Variants in RSF1 observed in about 807,000 individuals in gnomAD.
RSF1 encodes the protein HBV pX-associated protein 8.
In RSF1, 13 loss-of-function variants were observed where a neutral mutation model predicts 145.2. The ratio of observed to expected loss-of-function variants is 0.09; its 90% CI spans 0.06 to 0.14. The LOEUF (loss-of-function observed/expected upper bound fraction) is 0.14, where lower values mean the gene tolerates loss of function less well. RSF1 is among the 10% of genes least tolerant of loss of function. The pLI is 1.00. For synonymous variants in RSF1, 577 were observed against 592.6 expected (o/e 0.97, Z 0.38); for missense variants, 1,517 against 1,718.2 (o/e 0.88, Z 2.07).
chr11:77,706,443 T>C (rs1311152737), intron 5 of RSF1, among the ~76,000 whole-genome samples: 1 of 152,092 alleles, frequency 6.6e-6, no homozygotes, highest in Non-Finnish European at 1.5e-5. Flanking sequence ...TTTTTCTTTT[T>C]ATCTTAGGGG....
Position 77,706,171 on chromosome 11 carries a change from G to A in RSF1, c.734-3676C>T, listed in dbSNP as rs372022217. Among the ~76,000 whole-genome samples, 58 of 150,074 alleles carry A rather than the reference G, an allele frequency of 3.9e-4. 1 individual carries two copies. The highest frequency in any genetic ancestry group is 1.4e-3 in the African/African-American group (58 of 40,682). On this transcript the variant is annotated intron_variant, in intron 5 of 15. Transcript: ENST00000308488. ...CAGGAAAATGGCTTGAACCCGGGAG[G>A]CAGAGGCTGCAGTGAGCTGAGATTG... is the stretch of plus-strand genomic sequence containing the variant.
chr11:77,795,224 C>A (rs1328182543), intron 1 of RSF1, among the ~76,000 whole-genome samples: 1 of 152,150 alleles, frequency 6.6e-6, no homozygotes, highest in Non-Finnish European at 1.5e-5. Context: ...AAAGACATCA[C>A]ATGTTCATTG....
intron 5 of RSF1, among the ~76,000 whole-genome samples, chr11:77,705,730 T>C (rs1006901946): frequency 2.0e-5 from 3 of 151,960 alleles, no homozygotes; most frequent in African/African-American, 7.3e-5. Flanking sequence ...CTATACACAA[T>C]ACCTGGAGAA....
intron 1 of RSF1, among the ~76,000 whole-genome samples, chr11:77,793,903 C>G (rs532976763): frequency 9.2e-5 from 14 of 152,046 alleles, no homozygotes; most frequent in South Asian, 2.1e-4. Flanking sequence ...ATAAAAACAA[C>G]TTTAAGTCAA....
chr11:77,741,600 T>C (rs1479695426), intron 3 of RSF1, among the ~76,000 whole-genome samples: 1 of 152,132 alleles, frequency 6.6e-6, no homozygotes, highest in Non-Finnish European at 1.5e-5. Context: ...AAAAATTGCA[T>C]ATATTTATGG....
Position 77,662,735 on chromosome 11 carries a change from G to A in RSF1, c.*4182C>T, listed in dbSNP as rs1166621467. 2.6e-5 allele frequency: 4 copies of A among 152,120 alleles called. No homozygotes were observed. The highest frequency in any genetic ancestry group is 5.9e-5 in the Non-Finnish European group (4 of 67,998). The allele number at this position is 152,120 out of a possible 1,614,324, so 9.4% of individuals were successfully genotyped here. A position where few individuals can be genotyped will look rare whatever the true frequency, so the allele number is the denominator to read the frequency against. On this transcript the variant is annotated 3_prime_UTR_variant, in exon 16 of 16. Transcript: ENST00000308488. Reference sequence around the variant, plus strand: ...CACTTTGGGAAAGGTAGATGATATAGGAATGGATTTTAATCTGAGAAGATT... The same window carrying A: ...CACTTTGGGAAAGGTAGATGATATAAGAATGGATTTTAATCTGAGAAGATT...
intron 5 of RSF1, among the ~76,000 whole-genome samples, chr11:77,705,412 T>C (rs1399655014): frequency 6.6e-6 from 1 of 152,196 alleles, no homozygotes; most frequent in Non-Finnish European, 1.5e-5. Context: ...ACTCAACAAA[T>C]ATTTATTGAT....
the RSF1 span, among the ~76,000 whole-genome samples, chr11:77,832,271 A>G: frequency 6.6e-6 from 1 of 152,112 alleles, no homozygotes; most frequent in South Asian, 2.1e-4. Context: ...ATTCTCATAT[A>G]TAAATTTATT....
chr11:77,702,316 TTTC>T lies in RSF1; in HGVS notation c.910_912del (p.Glu304del), dbSNP rs752019104. ...TCACTTTCTTCTTTGATAATCTTTT[TTTC>T]TTCATTTTCTGGCAAAGGTTTTTCT... On this transcript the variant is annotated inframe_deletion, in exon 6 of 16. Coordinates refer to ENST00000308488, the MANE Select transcript of RSF1 (RefSeq NM_016578.4). The T allele has an allele frequency of 6.2e-7, 1 of 1,609,828 alleles. No homozygotes were observed. The highest frequency in any genetic ancestry group is 1.1e-5 in the South Asian group (1 of 89,644).
chr11:77,837,177 C>A, the RSF1 span, among the ~76,000 whole-genome samples: 1 of 152,030 alleles, frequency 6.6e-6, no homozygotes, highest in African/African-American at 2.4e-5. Context: ...GCTCTGTCAC[C>A]CAGGCTGGAG....
At chr11:77,697,481 A>T (rs1293551954) in intron 7 of RSF1, among the ~76,000 whole-genome samples, 4 of 26,222 alleles carry the variant, frequency 1.5e-4, no homozygotes, top group Non-Finnish European at 2.7e-4. Flanking sequence ...TTTATATATA[A>T]TATATAATAT....
intron 15 of RSF1, among the ~76,000 whole-genome samples, chr11:77,670,677 G>T (rs533301627): frequency 3.9e-5 from 6 of 152,072 alleles, no homozygotes; most frequent in Non-Finnish European, 8.8e-5. Context: ...ACACATGAAG[G>T]TAAGTACACA....
intron 5 of RSF1, among the ~76,000 whole-genome samples, chr11:77,722,599 C>G (rs1367698172): frequency 1.3e-5 from 2 of 152,210 alleles, no homozygotes; most frequent in Non-Finnish European, 2.9e-5. Flanking sequence ...AATCTAGACT[C>G]TGACACTTAA....
At chr11:77,797,682 A>T (rs1476683266) in intron 1 of RSF1, among the ~76,000 whole-genome samples, 2 of 152,228 alleles carry the variant, frequency 1.3e-5, no homozygotes, top group Non-Finnish European at 2.9e-5. Flanking sequence ...TAAACTAAAG[A>T]GCTTCTTCAC....
intron 14 of RSF1, among the ~76,000 whole-genome samples, chr11:77,673,877 C>G (rs564927558): frequency 1.3e-5 from 2 of 152,036 alleles, no homozygotes; most frequent in South Asian, 4.1e-4. Flanking sequence ...AGTATGTACT[C>G]TTTAAAAATA....
upstream of RSF1, among the ~76,000 whole-genome samples, chr11:77,825,787 G>A (rs566751426): frequency 6.6e-6 from 1 of 151,468 alleles, no homozygotes; most frequent in South Asian, 2.1e-4. Context: ...TGCCTCCTAA[G>A]TTCAAGTGAT....
chr11:77,683,446 G>A (rs1263517789), intron 11 of RSF1, among the ~76,000 whole-genome samples: 1 of 151,966 alleles, frequency 6.6e-6, no homozygotes, highest in Non-Finnish European at 1.5e-5. Context: ...GCTCATGGCT[G>A]TAATCCCAGC....
At chr11:77,781,155 C>T (rs1397676298) in intron 1 of RSF1, among the ~76,000 whole-genome samples, 1 of 151,952 alleles carries the variant, frequency 6.6e-6, no homozygotes, top group Non-Finnish European at 1.5e-5. Context: ...GGCTGGAGTG[C>T]AGTGGCTCGA....
chr11:77,729,533 G>C (rs1961144798), intron 4 of RSF1, among the ~76,000 whole-genome samples: 1 of 146,626 alleles, frequency 6.8e-6, no homozygotes, highest in Admixed American at 6.9e-5. Context: ...AAACATTTCA[G>C]AAGCAATGAA....
Sources: allele counts gnomAD v4.1 joint callset (sites outside exome capture counted in the v4.1 genomes callset), GRCh38; gene constraint gnomAD v4.1.1; transcripts MANE v1.5; gene names NCBI Gene and HGNC (gene_info 2026-07-23, HGNC 2026-07-21).